The following TYR variants were observed in gnomAD, a reference collection of about 807,000 sequenced individuals.
The protein encoded by TYR is LB24-AB.
TYR carries 58 observed loss-of-function variants against 51.5 expected under a neutral mutation model. That is an observed-to-expected ratio of 1.13 (90% CI 0.91 to 1.40). The LOEUF (loss-of-function observed/expected upper bound fraction) is 1.40, where lower values mean the gene tolerates loss of function less well. TYR is among the 40% of genes most tolerant of loss of function. The probability of loss-of-function intolerance (pLI) is 0.00; values close to 1 mark genes in which losing one functional copy is unlikely to be tolerated. For missense variants in TYR, 732 were observed against 647.4 expected (o/e 1.13, Z -1.42); for synonymous variants, 263 against 235.2 (o/e 1.12, Z -1.08).
rs373189384 is a variant in TYR, at chr11:89,212,498, C to T, written c.1037-15325C>T. 8.5e-5 allele frequency among the ~76,000 whole-genome samples: 13 copies of T among 152,158 alleles called. No homozygotes were observed. In the East Asian group the frequency reaches 1.4e-3, roughly 16 times the overall value. ...ATCAGATGGATTCACAGCCGAATTC[C>T]ACCAGAGGTACAAAGAGGAGCTGGT... On this transcript the variant is annotated intron_variant, in intron 2 of 4. Transcript: ENST00000263321.
intron 1 of TYR, among the ~76,000 whole-genome samples, chr11:89,182,564 T>C (rs539617684): frequency 6.6e-6 from 1 of 152,316 alleles, no homozygotes; most frequent in African/African-American, 2.4e-5. Context: ...TTAATATTTA[T>C]TGGTCAGAGT....
chr11:89,251,289 C>G (rs1944328491), intron 3 of TYR, among the ~76,000 whole-genome samples: 1 of 151,894 alleles, frequency 6.6e-6, no homozygotes, highest in Non-Finnish European at 1.5e-5. Context: ...CATAACATAT[C>G]TGTTTATCAT....
chr11:89,257,263 C>T (rs1944404358), intron 3 of TYR, among the ~76,000 whole-genome samples: 1 of 151,958 alleles, frequency 6.6e-6, no homozygotes, highest in Non-Finnish European at 1.5e-5. Flanking sequence ...CTGGCACAGT[C>T]CACCTCTTGT....
At chr11:89,191,525 C>T in intron 2 of TYR, 107 bp downstream of exon 2, 2 of 1,064,668 alleles carry the variant, frequency 1.9e-6, no homozygotes, top group Non-Finnish European at 2.8e-6. Flanking sequence ...CTGAGTTGAC[C>T]AAGAATATGT....
chr11:89,214,136 T>C (rs1348158600), intron 2 of TYR, among the ~76,000 whole-genome samples: 1 of 151,972 alleles, frequency 6.6e-6, no homozygotes, highest in African/African-American at 2.4e-5. Context: ...AATATCAGAG[T>C]GAACAGGCAA....
At chr11:89,234,914 C>T (rs1455873867) in intron 3 of TYR, among the ~76,000 whole-genome samples, 1 of 151,466 alleles carries the variant, frequency 6.6e-6, no homozygotes, top group African/African-American at 2.4e-5. Flanking sequence ...ATGGGAGTAA[C>T]ACACTTGCCA....
At position 89,284,902 on chromosome 11, in the gene TYR, C is replaced by A; in HGVS notation, c.1314C>A (p.Phe438Leu). ...PFIPLYRNGD[F>L]FISSKDLGYD... ...TACCACTGTACAGAAATGGTGATTT[C>A]TTTATTTCATCCAAAGATCTGGGCT... Residue 438 changes from phenylalanine to leucine, a missense_variant, in exon 4 of 5, where the codon TTC becomes TTA. By Grantham distance (22) the Phe-to-Leu change is conservative (BLOSUM62 0). Transcript: ENST00000263321. 8 of 1,611,726 alleles carry A rather than the reference C, an allele frequency of 5.0e-6. No homozygotes were observed. Among genetic ancestry groups the A allele is most frequent in the Non-Finnish European group, 5.9e-6 (7 of 1,178,440 alleles).
intron 2 of TYR, among the ~76,000 whole-genome samples, chr11:89,218,150 G>C (rs1267085534): frequency 2.0e-5 from 3 of 152,066 alleles, no homozygotes; most frequent in Non-Finnish European, 4.4e-5. Context: ...AAACATAAGG[G>C]TTAAATTCAA....
At position 89,295,752 on chromosome 11, in the gene TYR, G is replaced by T. The variant is rs1944900530; in HGVS notation, c.*386G>T. On this transcript the variant is annotated 3_prime_UTR_variant, in exon 5 of 5. Coordinates refer to ENST00000263321, the MANE Select transcript of TYR (RefSeq NM_000372.5). ...CTTCTTTATTTTAATAAAACAGTGA[G>T]AAATCTACATTAACTGACTCCTTTA... 1 of 227,598 alleles carries T rather than the reference G, an allele frequency of 4.4e-6. No individual in the cohort carries two copies. Among genetic ancestry groups the T allele is most frequent in the African/African-American group, 2.3e-5 (1 of 42,788 alleles). 14.1% of individuals were successfully genotyped at this position (227,598 alleles called of 1,614,324 possible).
chr11:89,219,687 T>G (rs1034008425), intron 2 of TYR, among the ~76,000 whole-genome samples: 18 of 152,128 alleles, frequency 1.2e-4, no homozygotes, highest in African/African-American at 3.6e-4. Context: ...AGAACAAAAA[T>G]TGGCCATAAG....
chr11:89,219,290 G>C (rs1943876121), intron 2 of TYR, among the ~76,000 whole-genome samples: 1 of 146,222 alleles, frequency 6.8e-6, no homozygotes, highest in African/African-American at 2.6e-5. Flanking sequence ...CAGAATGACA[G>C]AGTGACTTTT....
At chr11:89,198,517 T>A (rs1943554523) in intron 2 of TYR, among the ~76,000 whole-genome samples, 1 of 152,044 alleles carries the variant, frequency 6.6e-6, no homozygotes, top group South Asian at 2.1e-4. Flanking sequence ...ATAACCACAT[T>A]GGTATTCTGA....
intron 3 of TYR, among the ~76,000 whole-genome samples, chr11:89,244,418 CG>C (rs1944238613): frequency 1.3e-5 from 2 of 151,666 alleles, no homozygotes; most frequent in South Asian, 4.2e-4. Context: ...CTGCTTATGG[CG>C]AGAACCATGT....
chr11:89,254,442 G>A (rs1944364782), intron 3 of TYR, among the ~76,000 whole-genome samples: 1 of 151,590 alleles, frequency 6.6e-6, no homozygotes, highest in Non-Finnish European at 1.5e-5. Context: ...CTGTGACTGT[G>A]TCTGGTCCAG....
chr11:89,181,641 G>A (rs1009027936), intron 1 of TYR, among the ~76,000 whole-genome samples: 1 of 152,060 alleles, frequency 6.6e-6, no homozygotes, highest in African/African-American at 2.4e-5. Flanking sequence ...CCCCAAAATT[G>A]AGATTTGAGA....
At chr11:89,184,919 A>G (rs1943349937) in intron 1 of TYR, among the ~76,000 whole-genome samples, 1 of 152,176 alleles carries the variant, frequency 6.6e-6, no homozygotes, top group Admixed American at 6.5e-5. Flanking sequence ...GCAGCCATCT[A>G]TGGTGGGGGG....
At chr11:89,187,486 G>T (rs1023158489) in intron 1 of TYR, among the ~76,000 whole-genome samples, 4 of 152,114 alleles carry the variant, frequency 2.6e-5, no homozygotes, top group African/African-American at 7.2e-5. Flanking sequence ...AGTCTTTGAA[G>T]GTTCATAACA....
intron 2 of TYR, among the ~76,000 whole-genome samples, chr11:89,221,576 A>G (rs1943912441): frequency 6.6e-6 from 1 of 152,174 alleles, no homozygotes; most frequent in African/African-American, 2.4e-5. Flanking sequence ...AAGCCTTTTC[A>G]AAGTATTCAG....
intron 2 of TYR, among the ~76,000 whole-genome samples, chr11:89,197,494 A>G (rs761528080): frequency 2.4e-4 from 37 of 152,202 alleles, no homozygotes; most frequent in Non-Finnish European, 5.0e-4. Context: ...CTTCAAAAGT[A>G]TGTCTGAAAA....
Sources: gnomAD v4.1 joint callset for allele counts (sites outside exome capture counted in the v4.1 genomes callset) on GRCh38, gnomAD v4.1.1 for gene constraint, MANE v1.5 for transcripts, NCBI Gene and HGNC (gene_info 2026-07-23, HGNC 2026-07-21) for gene names.